The following FIGN variants were observed in gnomAD, a reference collection of about 807,000 sequenced individuals.
FIGN encodes fidgetin.
FIGN carries 11 observed loss-of-function variants against 51.3 expected under a neutral mutation model. The observed-to-expected ratio is 0.21, with a 90% confidence interval of 0.13 to 0.35. FIGN has a LOEUF of 0.35. Ranked by LOEUF, FIGN falls within the 10% of genes least tolerant of loss-of-function variation. The probability of loss-of-function intolerance (pLI) is 1.00; values close to 1 mark genes in which losing one functional copy is unlikely to be tolerated. For missense variants in FIGN, 857 were observed against 943.6 expected, an observed-to-expected ratio of 0.91 and a Z score of 1.20; for synonymous variants, 407 against 363.2, an observed-to-expected ratio of 1.12 and a Z score of -1.37.
intron 2 of FIGN, among the ~76,000 whole-genome samples, chr2:163,729,851 A>G (rs557416427): frequency 6.6e-6 from 1 of 152,358 alleles, no homozygotes; most frequent in Non-Finnish European, 1.5e-5. Flanking sequence ...ATACACCCTG[A>G]AACAACAGCC....
At chr2:163,705,063 A>C (rs983377214) in intron 2 of FIGN, among the ~76,000 whole-genome samples, 8 of 152,152 alleles carry the variant, frequency 5.3e-5, no homozygotes, top group African/African-American at 1.9e-4. Context: ...ACAACTTTAT[A>C]ACACTTCTAA....
intron 2 of FIGN, among the ~76,000 whole-genome samples, chr2:163,638,021 CTCCTAT>C (rs1559004767): frequency 6.6e-6 from 1 of 152,086 alleles, no homozygotes; most frequent in Non-Finnish European, 1.5e-5. Flanking sequence ...GCTGAGAATT[CTCCTAT>C]CTCTTCACAC....
intron 2 of FIGN, among the ~76,000 whole-genome samples, chr2:163,652,139 G>A (rs575686033): frequency 3.9e-5 from 6 of 152,100 alleles, no homozygotes; most frequent in Non-Finnish European, 8.8e-5. Flanking sequence ...CACATAGCTC[G>A]GGGTCCTTTA....
chr2:163,672,611 A>G (rs1362157151), intron 2 of FIGN, among the ~76,000 whole-genome samples: 2 of 152,186 alleles, frequency 1.3e-5, no homozygotes, highest in Non-Finnish European at 2.9e-5. Flanking sequence ...TCAAGGAAAA[A>G]TCTACTATGT....
At chr2:163,650,789 CT>C (rs1312339331) in intron 2 of FIGN, among the ~76,000 whole-genome samples, 7 of 152,168 alleles carry the variant, frequency 4.6e-5, no homozygotes, top group African/African-American at 1.7e-4. Flanking sequence ...GAGTGAGATA[CT>C]ACAGGGCTTT....
intron 2 of FIGN, among the ~76,000 whole-genome samples, chr2:163,685,003 T>G (rs1573948923): frequency 6.7e-6 from 1 of 150,070 alleles, no homozygotes; most frequent in East Asian, 2.0e-4. Context: ...GCCAGGCTGG[T>G]CTCGAGCTAC....
At chr2:163,613,561 C>A (rs986841748) in intron 2 of FIGN, among the ~76,000 whole-genome samples, 1 of 152,134 alleles carries the variant, frequency 6.6e-6, no homozygotes, top group Admixed American at 6.5e-5. Context: ...TCCCTTCTGA[C>A]TCCCTCTTCC....
intron 2 of FIGN, among the ~76,000 whole-genome samples, chr2:163,719,368 C>T (rs1684719204): frequency 6.6e-6 from 1 of 152,100 alleles, no homozygotes. Flanking sequence ...TCACTTTCTT[C>T]ACATAAGCAA....
At chr2:163,711,068 A>G (rs1684580994) in intron 2 of FIGN, among the ~76,000 whole-genome samples, 1 of 152,166 alleles carries the variant, frequency 6.6e-6, no homozygotes, top group African/African-American at 2.4e-5. Flanking sequence ...ATTTTTAACC[A>G]CAGAGCTGCA....
chr2:163,716,145 T>G (rs1684665088), intron 2 of FIGN, among the ~76,000 whole-genome samples: 1 of 152,234 alleles, frequency 6.6e-6, no homozygotes, highest in South Asian at 2.1e-4. Context: ...AATTAAAATG[T>G]AAACAGCGTA....
chr2:163,653,202 TA>T (rs1683505584), intron 2 of FIGN, among the ~76,000 whole-genome samples: 1 of 152,108 alleles, frequency 6.6e-6, no homozygotes, highest in Non-Finnish European at 1.5e-5. Flanking sequence ...ATGACTGGCA[TA>T]TAATAGGGAC....
chr2:163,634,276 C>T (rs1008005225), intron 2 of FIGN, among the ~76,000 whole-genome samples: 2 of 152,114 alleles, frequency 1.3e-5, no homozygotes, highest in Admixed American at 1.3e-4. Context: ...AGTCATTTTT[C>T]ATGCCAAGTC....
At chr2:163,632,369 C>G (rs1683158048) in intron 2 of FIGN, among the ~76,000 whole-genome samples, 1 of 152,140 alleles carries the variant, frequency 6.6e-6, no homozygotes, top group Non-Finnish European at 1.5e-5. Flanking sequence ...AGTTCTTTTG[C>G]TCTCACTCTC....
At chr2:163,652,557 G>C (rs530418088) in intron 2 of FIGN, among the ~76,000 whole-genome samples, 1 of 152,088 alleles carries the variant, frequency 6.6e-6, no homozygotes, top group South Asian at 2.1e-4. Context: ...GGCAATAATA[G>C]AGTATTTCTC....
At position 163,610,850 on chromosome 2, in the gene FIGN, C is replaced by T. The variant is rs925358153; in HGVS notation, c.982G>A (p.Asp328Asn). Residue 328 changes from aspartate (D) to asparagine (N), a missense_variant, in exon 3 of 3, where the codon GAT (aspartate) becomes AAT (asparagine). By Grantham distance (23) the Asp-to-Asn change is conservative (BLOSUM62 1). This residue lies in a region of FIGN where 799 missense variants were observed against 849.5 expected (regional missense o/e 0.94). Transcript: ENST00000333129. Reference sequence around the variant, plus strand: ...TAATTTCCATAACTGGAGTCCATATCTCCTTGCCCTGCCATGTAGAAAGCT... The same window carrying T: ...TAATTTCCATAACTGGAGTCCATATTTCCTTGCCCTGCCATGTAGAAAGCT... ...RKAFYMAGQG[D>N]MDSSYGNYSY... 2 of 1,613,874 alleles carry T rather than the reference C, an allele frequency of 1.2e-6. No homozygotes were observed. The highest frequency in any genetic ancestry group is 1.7e-6 in the Non-Finnish European group (2 of 1,179,976).
intron 2 of FIGN, among the ~76,000 whole-genome samples, chr2:163,687,509 G>A (rs1684168888): frequency 6.6e-6 from 1 of 152,102 alleles, no homozygotes; most frequent in Non-Finnish European, 1.5e-5. Context: ...TCCCTTTTCA[G>A]AGTACTAGAC....
intron 2 of FIGN, among the ~76,000 whole-genome samples, chr2:163,710,014 G>T (rs1269008421): frequency 5.3e-5 from 8 of 152,024 alleles, no homozygotes. Context: ...ATAAACAATT[G>T]ACTGAGGTTG....
intron 2 of FIGN, among the ~76,000 whole-genome samples, chr2:163,694,953 G>GT (rs1487499369): frequency 6.6e-6 from 1 of 152,026 alleles, no homozygotes; most frequent in Non-Finnish European, 1.5e-5. Flanking sequence ...ACACCCAGCT[G>GT]TTCTGACCTC....
chr2:163,648,651 A>G (rs1302646745), intron 2 of FIGN, among the ~76,000 whole-genome samples: 2 of 152,232 alleles, frequency 1.3e-5, no homozygotes, highest in African/African-American at 4.8e-5. Flanking sequence ...AATCTGTGAA[A>G]GGACTAATGG....
Sources: allele counts gnomAD v4.1 joint callset (sites outside exome capture counted in the v4.1 genomes callset), GRCh38; gene constraint gnomAD v4.1.1; regional missense constraint gnomAD v4.1.1; transcripts MANE v1.5; gene names NCBI Gene and HGNC (gene_info 2026-07-23, HGNC 2026-07-21).